The following KIAA2013 variants were observed in gnomAD, a reference collection of about 807,000 sequenced individuals.
KIAA2013 encodes KIAA2013.
Under a neutral mutation model 39.9 loss-of-function variants are expected in KIAA2013, and 20 were observed. The ratio of observed to expected loss-of-function variants is 0.50; its 90% CI spans 0.35 to 0.73. The LOEUF (loss-of-function observed/expected upper bound fraction) is 0.73. KIAA2013 is among the 30% of genes least tolerant of loss of function. The pLI is 0.01. For synonymous variants in KIAA2013, 336 were observed against 416.6 expected (o/e 0.81, Z 2.35); for missense variants, 587 against 856.1 (o/e 0.69, Z 3.92).
intron 2 of KIAA2013, 28 bp downstream of exon 2, chr1:11,922,608 G>C (rs766720574): frequency 1.9e-6 from 3 of 1,609,924 alleles, no homozygotes; most frequent in Non-Finnish European, 8.5e-7. Flanking sequence ...CCAAGGCCTC[G>C]GGTTTCGACC....
At chr1:11,924,004 G>A (rs1645490862) in intron 1 of KIAA2013, among the ~76,000 whole-genome samples, 1 of 152,140 alleles carries the variant, frequency 6.6e-6, no homozygotes, top group African/African-American at 2.4e-5. Flanking sequence ...CCTTTGAGTA[G>A]CTGGGACTAC....
rs1033048437 is a variant in KIAA2013, at chr1:11,925,006, G to C, written c.1033+199C>G. ...CTCATAAAAACCTTCTGAGGTAGGC[G>C]TTATTGTTATTAAATACAGGCCCAG... On this transcript the variant is annotated intron_variant, in intron 1 of 2. Coordinates refer to ENST00000376572, the MANE Select transcript of KIAA2013 (RefSeq NM_138346.3). This position sits in a 1 kb window ranked among gnomAD's most constrained non-coding sequence, Gnocchi z 5.2. 2.6e-5 allele frequency among the ~76,000 whole-genome samples: 4 copies of C among 152,212 alleles called. No homozygotes were observed. Among genetic ancestry groups the C allele is most frequent in the Non-Finnish European group, 4.4e-5 (3 of 68,044 alleles).
Position 11,923,229 on chromosome 1 carries a change from G to A in KIAA2013, c.1294C>T (p.Leu432=). ...QILQLSDLWR[L]TLQKRGCKGL... Reference sequence around the variant, plus strand: ...TTGCAGCCACGCTTCTGGAGGGTCAGCCTCCACAGGTCAGAGAGCTGCAGG... The same window carrying A: ...TTGCAGCCACGCTTCTGGAGGGTCAACCTCCACAGGTCAGAGAGCTGCAGG... Residue 432 remains leucine (L), a synonymous_variant, in exon 2 of 3, where the codon CTG becomes TTG. Transcript: ENST00000376572. This position sits in a 1 kb window ranked among gnomAD's most constrained non-coding sequence, Gnocchi z 4.6. The A allele has an allele frequency of 6.2e-7, 1 of 1,613,762 alleles. No individual in the cohort carries two copies.
At chr1:11,924,152 A>G (rs1645491556) in intron 1 of KIAA2013, among the ~76,000 whole-genome samples, 1 of 151,812 alleles carries the variant, frequency 6.6e-6, no homozygotes, top group South Asian at 2.1e-4. Flanking sequence ...CACACACACA[A>G]CTTTGTTTCT....
chr1:11,921,826 AG>A (rs1469229739), intron 2 of KIAA2013, among the ~76,000 whole-genome samples: 12 of 152,022 alleles, frequency 7.9e-5, no homozygotes, highest in African/African-American at 1.2e-4. Flanking sequence ...CTGGGATTAT[AG>A]GCATGAGCCA....
intron 2 of KIAA2013, chr1:11,922,389 GGGA>G (rs1645479597): frequency 1.0e-5 from 15 of 1,437,330 alleles, no homozygotes; most frequent in Non-Finnish European, 1.4e-5. Context: ...TTTATGATGC[GGGA>G]GGAGGGGAGG....
chr1:11,920,259 T>C lies in KIAA2013; in HGVS notation c.*56A>G. ...GATCCCTTGCTCCTGGCAGCGGGAC[T>C]TTCAGTGCTGGGTGTCTTGTGCAAA... On this transcript the variant is annotated 3_prime_UTR_variant, in exon 3 of 3. Coordinates refer to ENST00000376572, the MANE Select transcript of KIAA2013 (RefSeq NM_138346.3). The C allele has an allele frequency of 6.2e-7, 1 of 1,603,464 alleles. No individual in the cohort carries two copies. The highest frequency in any genetic ancestry group is 8.5e-7 in the Non-Finnish European group (1 of 1,170,340).
At position 11,923,508 on chromosome 1, in the gene KIAA2013, G is replaced by A. The variant is rs62621813; in HGVS notation, c.1034-19C>T. 1.3e-3 allele frequency: 2,141 copies of A among 1,600,498 alleles called. 2 individuals carry two copies. The highest frequency in any genetic ancestry group is 1.6e-3 in the Non-Finnish European group (1,831 of 1,179,532). On this transcript the variant is annotated intron_variant, in intron 1 of 2. Coordinates refer to ENST00000376572, the MANE Select transcript of KIAA2013 (RefSeq NM_138346.3). This position sits in a 1 kb window ranked among gnomAD's most constrained non-coding sequence, Gnocchi z 4.6. ...TCCACTCCTGCAACACCATGAAAGCGGCATGTTAAGGGGGAAGGACAGCTG... is the reference window on the plus strand; with the variant it reads ...TCCACTCCTGCAACACCATGAAAGCAGCATGTTAAGGGGGAAGGACAGCTG...
In KIAA2013 at chr1:11,923,186, C is replaced by T. The variant is rs1399523478; in HGVS notation, c.1337G>A (p.Gly446Asp). Reference sequence around the variant, plus strand: ...CATCCCCTGCAGGATGCCTGGGGCACCCACCTTCACCAGCCCCTTGCAGCC... The same window carrying T: ...CATCCCCTGCAGGATGCCTGGGGCATCCACCTTCACCAGCCCCTTGCAGCC... ...KRGCKGLVKV[G>D]APGILQGMVL... The change falls in exon 2 of 3, where the codon GGT becomes GAT. Residue 446 changes from glycine to aspartate, a missense_variant. Gly to Asp is a moderately conservative substitution (Grantham distance 94). Transcript: ENST00000376572. The surrounding 1 kb of genome is among the most constrained non-coding windows in gnomAD (Gnocchi z 4.6). 1 of 1,613,594 alleles carries T rather than the reference C, an allele frequency of 6.2e-7. No individual in the cohort carries two copies.
chr1:11,925,564 G>T lies in KIAA2013; in HGVS notation c.674C>A (p.Ala225Asp), dbSNP rs1358815381. The T allele has an allele frequency of 1.9e-6, 3 of 1,607,788 alleles. No individual in the cohort carries two copies. The highest frequency in any genetic ancestry group is 2.5e-6 in the Non-Finnish European group (3 of 1,178,574). ...GGTGAAGGCCTTGGGGGCTGGGCCG[G>T]CAGTGGGCCCCACAGTCTGCAGCGC... ...VAALQTVGPTAGPAPKAFTST... is the reference protein window; with the variant it reads ...VAALQTVGPTDGPAPKAFTST... Residue 225 changes from alanine to aspartate, a missense_variant, in exon 1 of 3, where the codon GCC becomes GAC. By Grantham distance (126) the Ala-to-Asp change is moderately radical. Coordinates refer to ENST00000376572, the MANE Select transcript of KIAA2013 (RefSeq NM_138346.3). The surrounding 1 kb of genome is among the most constrained non-coding windows in gnomAD (Gnocchi z 5.2).
Position 11,922,629 on chromosome 1 carries a change from T to A in KIAA2013, c.1887+7A>T, listed in dbSNP as rs771087915. 1 of 1,612,856 alleles carries A rather than the reference T, an allele frequency of 6.2e-7. No individual in the cohort carries two copies. Among genetic ancestry groups the A allele is most frequent in the Non-Finnish European group, 8.5e-7 (1 of 1,179,600 alleles). ...CCTCGGGTTTCGACCAGATGGCGGC[T>A]TCCTACCTTACTCCTGAAGAGGGGC... On this transcript the variant is annotated splice_region_variant and intron_variant, in intron 2 of 2. Coordinates refer to ENST00000376572, the MANE Select transcript of KIAA2013 (RefSeq NM_138346.3).
At chr1:11,924,592 A>G (rs1445807887) in intron 1 of KIAA2013, among the ~76,000 whole-genome samples, 12 of 152,110 alleles carry the variant, frequency 7.9e-5, no homozygotes, top group Non-Finnish European at 1.5e-5. Context: ...CTGAGCAACC[A>G]AACACAAAGG....
intron 1 of KIAA2013, among the ~76,000 whole-genome samples, chr1:11,924,827 G>A (rs1645495965): frequency 6.6e-6 from 1 of 152,142 alleles, no homozygotes; most frequent in Admixed American, 6.6e-5. Context: ...TCACCAGGCC[G>A]ACTGCGGTGC....
intron 2 of KIAA2013, 56 bp from the exon 3 acceptor site, chr1:11,920,388 G>C: frequency 6.3e-7 from 1 of 1,590,100 alleles, no homozygotes; most frequent in East Asian, 2.2e-5. Flanking sequence ...CCAGTGGCCA[G>C]CTATAGAAAT....
rs1645503987 is a variant in KIAA2013 at position 11,925,867 on chromosome 1, G to A, written c.371C>T (p.Pro124Leu). ...REPAVAPDFV[P>L]FVQLRPLSAL... ...GCTCAGCGGGCGCAGCTGCACGAAGGGCACAAAGTCCGGCGCCACGGCGGG... is the reference window on the plus strand; with the variant it reads ...GCTCAGCGGGCGCAGCTGCACGAAGAGCACAAAGTCCGGCGCCACGGCGGG... The change falls in exon 1 of 3, where the codon CCC becomes CTC. Residue 124 changes from proline (P) to leucine (L), a missense_variant. Transcript: ENST00000376572. This position sits in a 1 kb window ranked among gnomAD's most constrained non-coding sequence, Gnocchi z 5.2. 6.5e-7 allele frequency: 1 copy of A among 1,531,004 alleles called. No individual in the cohort carries two copies. The highest frequency in any genetic ancestry group is 8.7e-7 in the Non-Finnish European group (1 of 1,145,858). 94.8% of individuals were successfully genotyped at this position (1,531,004 alleles called of 1,614,324 possible). A position where few individuals can be genotyped will look rare whatever the true frequency, so the allele number is the denominator to read the frequency against.
At position 11,926,154 on chromosome 1, in the gene KIAA2013, G is replaced by C; in HGVS notation, c.84C>G (p.Leu28=). ...WARRLLCLLG[L]LLLLLWFGGS... is the part of the protein sequence containing the mutation. ...CCCCAAACCACAGAAGCAGCAGCAG[G>C]AGGCCAAGCAGGCAGAGGAGGCGGC... Residue 28 remains leucine, a synonymous_variant, in exon 1 of 3, where the codon CTC becomes CTG. Coordinates refer to ENST00000376572, the MANE Select transcript of KIAA2013 (RefSeq NM_138346.3). 1 of 1,403,398 alleles carries C rather than the reference G, an allele frequency of 7.1e-7. No individual in the cohort carries two copies. The highest frequency in any genetic ancestry group is 9.3e-7 in the Non-Finnish European group (1 of 1,072,516). The allele number at this position is 1,403,398 out of a possible 1,614,324, so 86.9% of individuals were successfully genotyped here. A position where few individuals can be genotyped will look rare whatever the true frequency, so the allele number is the denominator to read the frequency against.
chr1:11,920,600 A>T (rs1645468293), intron 2 of KIAA2013, among the ~76,000 whole-genome samples: 1 of 152,160 alleles, frequency 6.6e-6, no homozygotes, highest in African/African-American at 2.4e-5. Flanking sequence ...CAACTGTGGG[A>T]GGAACCGAAG....
chr1:11,926,410 C>A lies in KIAA2013; in HGVS notation c.-173G>T. On this transcript the variant is annotated 5_prime_UTR_variant, in exon 1 of 3. The change creates a new upstream start codon in the 5' untranslated region. Coordinates refer to ENST00000376572, the MANE Select transcript of KIAA2013 (RefSeq NM_138346.3). ...CTGCTTCCTCCTTCTTCTCGGTGGCCTCCAGCCGTCAAACGACGCCGGCGG... is the reference window on the plus strand; with the variant it reads ...CTGCTTCCTCCTTCTTCTCGGTGGCATCCAGCCGTCAAACGACGCCGGCGG... 6.2e-6 allele frequency: 1 copy of A among 162,420 alleles called. No individual in the cohort carries two copies. The highest frequency in any genetic ancestry group is 1.8e-4 in the South Asian group (1 of 5,624). The allele number at this position is 162,420 out of a possible 1,614,324, so 10.1% of individuals were successfully genotyped here. A position where few individuals can be genotyped will look rare whatever the true frequency, so the allele number is the denominator to read the frequency against.
chr1:11,922,320 G>A, intron 2 of KIAA2013: 1 of 1,395,866 alleles, frequency 7.2e-7, no homozygotes, highest in East Asian at 2.6e-5. Flanking sequence ...CTCCCAAGTA[G>A]CTGGGACTAC....
Sources: gnomAD v4.1 joint callset for allele counts (sites outside exome capture counted in the v4.1 genomes callset) on GRCh38, gnomAD v4.1.1 for gene constraint, Gnocchi (gnomAD v3.1) non-coding constraint, MANE v1.5 for transcripts, NCBI Gene and HGNC (gene_info 2026-07-23, HGNC 2026-07-21) for gene names.